Variants in TMEM61 observed in about 807,000 individuals in gnomAD.
The protein encoded by TMEM61 is transmembrane protein 61.
A neutral mutation model predicts 12.0 loss-of-function variants in TMEM61; 13 were observed. The ratio of observed to expected loss-of-function variants is 1.08; its 90% CI spans 0.70 to 1.72. The LOEUF (loss-of-function observed/expected upper bound fraction) is 1.72. TMEM61 is among the 40% of genes most tolerant of loss of function. The pLI is 0.00. For synonymous variants in TMEM61, 109 were observed against 121.4 expected, an observed-to-expected ratio of 0.90 and a Z score of 0.67; for missense variants, 249 against 276.9, an observed-to-expected ratio of 0.90 and a Z score of 0.71.
intron 2 of TMEM61, 128 bp downstream of exon 2, chr1:54,986,574 C>T (rs1644262978): frequency 3.5e-6 from 3 of 848,744 alleles, no homozygotes; most frequent in South Asian, 1.8e-5. Context: ...AGGCTTTGCC[C>T]TGTGTCCTGG....
intron 1 of TMEM61, among the ~76,000 whole-genome samples, chr1:54,983,772 T>C (rs1288053520): frequency 1.3e-5 from 2 of 152,156 alleles, no homozygotes; most frequent in African/African-American, 2.4e-5. Flanking sequence ...GAATTTTTTT[T>C]CCCAGAAGCA....
chr1:54,987,482 ATTTG>A (rs1644268595), intron 2 of TMEM61, among the ~76,000 whole-genome samples: 1 of 151,848 alleles, frequency 6.6e-6, no homozygotes, highest in Non-Finnish European at 1.5e-5. Flanking sequence ...TACACTGTGT[ATTTG>A]TTTATGTTCT....
At chr1:54,981,668 C>T (rs910799828) in intron 1 of TMEM61, among the ~76,000 whole-genome samples, 17 of 152,136 alleles carry the variant, frequency 1.1e-4, no homozygotes, top group African/African-American at 3.6e-4. Flanking sequence ...GAGTAGGGCA[C>T]GGAGAATGGC....
At position 54,986,211 on chromosome 1, in the gene TMEM61, A is replaced by T. The variant is rs753541269; in HGVS notation, c.130A>T (p.Thr44Ser). The change falls in exon 2 of 3, where the codon ACC becomes TCC. Residue 44 changes from threonine (T) to serine (S), a missense_variant. Transcript: ENST00000371268. ...CGCTTGGTGGAGCGAAGGGGATGCA[A>T]CCGCCCAGCCTGGCCAGCTGGCCCC... is the stretch of plus-strand genomic sequence containing the variant. ...CFAWWSEGDATAQPGQLAPPT... is the reference protein window; with the variant it reads ...CFAWWSEGDASAQPGQLAPPT... 2.5e-6 allele frequency: 4 copies of T among 1,613,836 alleles called. No homozygotes were observed. The Admixed American group carries it at 6.7e-5, about 27-fold the overall frequency.
intron 2 of TMEM61, among the ~76,000 whole-genome samples, chr1:54,987,317 T>C (rs201706655): frequency 6.6e-6 from 1 of 152,206 alleles, no homozygotes; most frequent in East Asian, 1.9e-4. Flanking sequence ...CAGAAGAGCA[T>C]GCACAAAGGT....
rs1644305654 is a variant in TMEM61, at chr1:54,992,243, ACCACC to A, written c.*144_*148del. On this transcript the variant is annotated 3_prime_UTR_variant, in exon 3 of 3. Coordinates refer to ENST00000371268, the MANE Select transcript of TMEM61 (RefSeq NM_182532.3). ...CTATTTATCTATTGCTGTATAACAAACCACCCCAGAATTTAGTGGCTTAAAATAAA... is the reference window on the plus strand; with the variant it reads ...CTATTTATCTATTGCTGTATAACAAACCAGAATTTAGTGGCTTAAAATAAA... 1 of 1,022,844 alleles carries A rather than the reference ACCACC, an allele frequency of 9.8e-7. No individual in the cohort carries two copies. The allele number at this position is 1,022,844 out of a possible 1,614,324, so 63.4% of individuals were successfully genotyped here. A position where few individuals can be genotyped will look rare whatever the true frequency, so the allele number is the denominator to read the frequency against.
intron 2 of TMEM61, among the ~76,000 whole-genome samples, chr1:54,989,445 AGGCCCAGGTCTCCT>A (rs1444108848): frequency 6.6e-6 from 1 of 152,216 alleles, no homozygotes; most frequent in East Asian, 1.9e-4. Flanking sequence ...AGCTGGTGCC[AGGCCCAGGTCTCCT>A]GCCCCAACCA....
At chr1:54,982,922 G>A (rs935266200) in intron 1 of TMEM61, among the ~76,000 whole-genome samples, 3 of 152,090 alleles carry the variant, frequency 2.0e-5, no homozygotes, top group Admixed American at 2.0e-4. Flanking sequence ...TTAAGTGAGG[G>A]GACACCTGTA....
rs1478339371 is a variant in TMEM61, at chr1:54,986,152, G to T, written c.71G>T (p.Gly24Val). 6.2e-7 allele frequency: 1 copy of T among 1,611,654 alleles called. No homozygotes were observed. The highest frequency in any genetic ancestry group is 1.1e-5 in the South Asian group (1 of 90,810). ...STLRYCMTVS[G>V]TVVLVAGTLC... ...CTCCGCTATTGCATGACAGTCAGCG[G>T]CACAGTGGTTCTGGTGGCCGGGACG... Residue 24 changes from glycine to valine, a missense_variant, in exon 2 of 3, where the codon GGC becomes GTC. Gly to Val is a moderately radical substitution (Grantham distance 109). Coordinates refer to ENST00000371268, the MANE Select transcript of TMEM61 (RefSeq NM_182532.3).
intron 2 of TMEM61, among the ~76,000 whole-genome samples, chr1:54,986,936 T>G (rs1353465551): frequency 6.6e-6 from 1 of 152,196 alleles, no homozygotes; most frequent in Non-Finnish European, 1.5e-5. Context: ...AGCAAACCCC[T>G]CTACAGTACA....
chr1:54,988,262 G>A (rs988426671), intron 2 of TMEM61, among the ~76,000 whole-genome samples: 2 of 152,230 alleles, frequency 1.3e-5, no homozygotes, highest in Non-Finnish European at 2.9e-5. Flanking sequence ...GTGAGTGCAG[G>A]GGGTGGGTGT....
In TMEM61 at chr1:54,986,323, T is replaced by C; in HGVS notation, c.242T>C (p.Leu81Pro). 6.2e-7 allele frequency: 1 copy of C among 1,614,070 alleles called. No homozygotes were observed. The highest frequency in any genetic ancestry group is 8.5e-7 in the Non-Finnish European group (1 of 1,180,038). ...TGCTGCGGTGCAGGTGGCCTGCTGCTGCTCATTGGCCTGCTGTGGTCCGTC... is the reference window on the plus strand; with the variant it reads ...TGCTGCGGTGCAGGTGGCCTGCTGCCGCTCATTGGCCTGCTGTGGTCCGTC... The part of the protein sequence containing the change: ...FVCCGAGGLL[L>P]LIGLLWSVKA... Residue 81 changes from leucine (L) to proline (P), a missense_variant, in exon 2 of 3, where the codon CTG becomes CCG. By Grantham distance (98) the Leu-to-Pro change is moderately conservative (BLOSUM62 -3). Transcript: ENST00000371268.
chr1:54,988,161 A>C (rs1168185183), intron 2 of TMEM61, among the ~76,000 whole-genome samples: 1 of 152,270 alleles, frequency 6.6e-6, no homozygotes, highest in Non-Finnish European at 1.5e-5. Flanking sequence ...CAAGTGACCT[A>C]GCTGGTGATA....
At chr1:54,990,443 G>A (rs1373762273) in intron 2 of TMEM61, among the ~76,000 whole-genome samples, 5 of 152,190 alleles carry the variant, frequency 3.3e-5, no homozygotes, top group African/African-American at 1.2e-4. Flanking sequence ...CCCGGTGGGT[G>A]CTGGGCGTTC....
rs371144703 is a variant in TMEM61 at position 54,988,424 on chromosome 1, C to G, written c.365+1978C>G. ...CGTAGCCCATCGAGCTCCAAGACCC[C>G]AGTCGTAGACTCAAAACTGGGGGGC... On this transcript the variant is annotated intron_variant, in intron 2 of 2. Transcript: ENST00000371268. Among the ~76,000 whole-genome samples the G allele has an allele frequency of 1.4e-4, 22 of 152,364 alleles. 1 individual carries two copies. The East Asian group carries it at 2.7e-3, about 19-fold the overall frequency.
chr1:54,989,517 C>T (rs1291086860), intron 2 of TMEM61, among the ~76,000 whole-genome samples: 2 of 152,230 alleles, frequency 1.3e-5, no homozygotes, highest in East Asian at 1.9e-4. Context: ...ACTTCCTGTG[C>T]GGGGAGACCA....
chr1:54,986,591 G>A (rs530187497), intron 2 of TMEM61, 145 bp downstream of exon 2: 143 of 730,454 alleles, frequency 2.0e-4, no homozygotes, highest in African/African-American at 3.5e-4. Flanking sequence ...CTGGGTACAC[G>A]GAAGCTGATC....
chr1:54,986,422 A>G lies in TMEM61; in HGVS notation c.341A>G (p.Glu114Gly). 2 of 1,578,120 alleles carry G rather than the reference A, an allele frequency of 1.3e-6. No individual in the cohort carries two copies. Among genetic ancestry groups the G allele is most frequent in the Non-Finnish European group, 1.7e-6 (2 of 1,156,368 alleles). The change falls in exon 2 of 3, where the codon GAG becomes GGG. Residue 114 changes from glutamate to glycine, a missense_variant. Transcript: ENST00000371268. Reference sequence around the variant, plus strand: ...AGAGACCTGTACTACCTCACTGTGGAGTCCTCAGAGAAGGAGAGCTGCAGG... The same window carrying G: ...AGAGACCTGTACTACCTCACTGTGGGGTCCTCAGAGAAGGAGAGCTGCAGG... ...LSRDLYYLTVESSEKESCRTP... is the reference protein window; with the variant it reads ...LSRDLYYLTVGSSEKESCRTP...
intron 2 of TMEM61, among the ~76,000 whole-genome samples, chr1:54,988,337 C>T (rs372539428): frequency 1.3e-5 from 2 of 152,262 alleles, no homozygotes; most frequent in Non-Finnish European, 2.9e-5. Context: ...GCAGGTGGGG[C>T]CCCTTGGCCT....
Sources: gnomAD v4.1 joint callset for allele counts (sites outside exome capture counted in the v4.1 genomes callset) on GRCh38, gnomAD v4.1.1 for gene constraint, MANE v1.5 for transcripts, NCBI Gene and HGNC (gene_info 2026-07-23, HGNC 2026-07-21) for gene names.